Variants in UQCRB observed in about 807,000 individuals in gnomAD.
UQCRB encodes cytochrome b-c1 complex subunit 7.
UQCRB carries 12 observed loss-of-function variants against 19.8 expected under a neutral mutation model. That is an observed-to-expected ratio of 0.61 (90% CI 0.39 to 0.98). UQCRB has a LOEUF of 0.98. Ranked by LOEUF, UQCRB falls within the 50% of genes least tolerant of loss-of-function variation. UQCRB has a pLI of 0.00. For missense variants in UQCRB, 142 were observed against 131.8 expected (o/e 1.08, Z -0.38); for synonymous variants, 39 against 42.9 (o/e 0.91, Z 0.35).
intron 2 of UQCRB, chr8:96,232,508 T>C (rs1302256248): frequency 1.3e-5 from 2 of 154,166 alleles, no homozygotes; most frequent in African/African-American, 4.8e-5. Flanking sequence ...ATTCAAAAAC[T>C]CTCTACTTTC....
chr8:96,231,191 C>G, intron 3 of UQCRB, 59 bp from the exon 4 acceptor site: 6 of 1,613,810 alleles, frequency 3.7e-6, no homozygotes, highest in Non-Finnish European at 5.1e-6. Flanking sequence ...CCCAAACACT[C>G]AACAGGTCTT....
chr8:96,229,628 A>G lies in UQCRB; in HGVS notation c.*1427T>C. The G allele has an allele frequency of 2.2e-6, 1 of 454,156 alleles. No homozygotes were observed. The highest frequency in any genetic ancestry group is 4.4e-6 in the Non-Finnish European group (1 of 226,804). The allele number at this position is 454,156 out of a possible 1,614,324, so 28.1% of individuals were successfully genotyped here. ...GCCCATCTTCTTGGCCTCCTTCTGC[A>G]AAGTAGGACTACATTAAAACCTTGT... On this transcript the variant is annotated 3_prime_UTR_variant, in exon 4 of 4. Coordinates refer to ENST00000287022, the MANE Select transcript of UQCRB (RefSeq NM_006294.5).
Position 96,231,740 on chromosome 8 carries a change from G to A in UQCRB, c.258+34C>T, listed in dbSNP as rs536858169. On this transcript the variant is annotated intron_variant, in intron 3 of 3. Coordinates refer to ENST00000287022, the MANE Select transcript of UQCRB (RefSeq NM_006294.5). ...TTGTTTCTAAAACTCCATCCTTAAT[G>A]AGCAACACTGTCAGGTAGATAAAGC... The A allele has an allele frequency of 3.1e-6, 5 of 1,613,660 alleles. No homozygotes were observed. The African/African-American group carries it at 6.7e-5, about 22-fold the overall frequency.
In UQCRB at chr8:96,226,247, A is replaced by G. The variant is rs1168378034; in HGVS notation, c.*4808T>C. On this transcript the variant is annotated 3_prime_UTR_variant, in exon 4 of 4. Coordinates refer to ENST00000287022, the MANE Select transcript of UQCRB (RefSeq NM_006294.5). Reference sequence around the variant, plus strand: ...TTTCTTCTTCCATACAATGGGCATTATAATAGCCATGCCAGAAGGTTGCAG... The same window carrying G: ...TTTCTTCTTCCATACAATGGGCATTGTAATAGCCATGCCAGAAGGTTGCAG... 1 of 152,348 alleles carries G rather than the reference A, an allele frequency of 6.6e-6. No homozygotes were observed. The highest frequency in any genetic ancestry group is 1.5e-5 in the Non-Finnish European group (1 of 68,124). 9.4% of individuals were successfully genotyped at this position (152,348 alleles called of 1,614,324 possible).
In UQCRB at chr8:96,228,168, C is replaced by G. The variant is rs1254524874; in HGVS notation, c.*2887G>C. The G allele has an allele frequency of 4.4e-6, 2 of 454,092 alleles. No homozygotes were observed. The highest frequency in any genetic ancestry group is 3.1e-5 in the South Asian group (2 of 64,478). The allele number at this position is 454,092 out of a possible 1,614,324, so 28.1% of individuals were successfully genotyped here. ...TGCAAAGTATAGTAAAACAAACAAA[C>G]AGAACATAGACCACTTCAGAGTAAA... On this transcript the variant is annotated 3_prime_UTR_variant, in exon 4 of 4. Coordinates refer to ENST00000287022, the MANE Select transcript of UQCRB (RefSeq NM_006294.5).
In UQCRB at chr8:96,229,306, C is replaced by T. The variant is rs568695071; in HGVS notation, c.*1749G>A. Reference sequence around the variant, plus strand: ...CAGTCTTGGTCAGTTCTATTTGTTCCCCTGTCCTTCAGCAGTGCCCTTAGG... The same window carrying T: ...CAGTCTTGGTCAGTTCTATTTGTTCTCCTGTCCTTCAGCAGTGCCCTTAGG... On this transcript the variant is annotated 3_prime_UTR_variant, in exon 4 of 4. Transcript: ENST00000287022. 3.9e-4 allele frequency: 179 copies of T among 454,072 alleles called. No homozygotes were observed. The highest frequency in any genetic ancestry group is 7.4e-4 in the Non-Finnish European group (168 of 226,784). 28.1% of individuals were successfully genotyped at this position (454,072 alleles called of 1,614,324 possible).
intron 2 of UQCRB, chr8:96,232,894 G>C (rs932945437): frequency 2.2e-5 from 8 of 368,796 alleles, no homozygotes; most frequent in African/African-American, 8.6e-5. Context: ...AGGGGGTGTA[G>C]AAGGAAAATG....
rs1809625394 is a variant in UQCRB, at chr8:96,230,064, A to C, written c.*991T>G. The C allele has an allele frequency of 4.4e-6, 2 of 453,990 alleles. No homozygotes were observed. The highest frequency in any genetic ancestry group is 3.1e-5 in the South Asian group (2 of 64,484). The allele number at this position is 453,990 out of a possible 1,614,324, so 28.1% of individuals were successfully genotyped here. ...AGCATTTCAGAATTTAGGAGTGGAA[A>C]TGATGACAACATTGAATAATCCTAA... On this transcript the variant is annotated 3_prime_UTR_variant, in exon 4 of 4. Coordinates refer to ENST00000287022, the MANE Select transcript of UQCRB (RefSeq NM_006294.5).
chr8:96,230,680 C>G lies in UQCRB; in HGVS notation c.*375G>C. 2.1e-6 allele frequency: 1 copy of G among 468,324 alleles called. No homozygotes were observed. 29.0% of individuals were successfully genotyped at this position (468,324 alleles called of 1,614,324 possible). Reference sequence around the variant, plus strand: ...TTGCATACCAGTGAAGAGGCTATTTCTCAATCTTGGCAAACTAGGGGGTGC... The same window carrying G: ...TTGCATACCAGTGAAGAGGCTATTTGTCAATCTTGGCAAACTAGGGGGTGC... On this transcript the variant is annotated 3_prime_UTR_variant, in exon 4 of 4. Transcript: ENST00000287022.
chr8:96,233,304 TCA>T (rs1491208565), intron 1 of UQCRB, 77 bp from the exon 2 acceptor site: 23 of 1,337,714 alleles, frequency 1.7e-5, no homozygotes, highest in Admixed American at 1.0e-4. Context: ...CAACCAGTAC[TCA>T]GTTATCTTGC....
rs1325095442 is a variant in UQCRB, at chr8:96,224,969, C to T, written c.*6086G>A. On this transcript the variant is annotated 3_prime_UTR_variant, in exon 4 of 4. Transcript: ENST00000287022. ...CAAAGTTGAAAAGGCATCCAAAAAACCTCAAATAAAATTCAAACGATGAAA... is the reference window on the plus strand; with the variant it reads ...CAAAGTTGAAAAGGCATCCAAAAAATCTCAAATAAAATTCAAACGATGAAA... Among the ~76,000 whole-genome samples the T allele has an allele frequency of 2.0e-5, 3 of 152,012 alleles. No individual in the cohort carries two copies. Among genetic ancestry groups the T allele is most frequent in the Non-Finnish European group, 4.4e-5 (3 of 68,004 alleles).
chr8:96,232,256 A>G (rs1378038080), intron 2 of UQCRB: 1 of 300,920 alleles, frequency 3.3e-6, no homozygotes, highest in Non-Finnish European at 6.3e-6. Flanking sequence ...CATTTACAAA[A>G]TATTTTAAAT....
In UQCRB at chr8:96,230,202, AG is replaced by A; in HGVS notation, c.*852del. Reference sequence around the variant, plus strand: ...GCAATTCTCCTCCCTCAGCCTCCCGAGTAGCTGGGATTACAGGTGCCTACCA... The same window carrying A: ...GCAATTCTCCTCCCTCAGCCTCCCGATAGCTGGGATTACAGGTGCCTACCA... On this transcript the variant is annotated 3_prime_UTR_variant, in exon 4 of 4. Coordinates refer to ENST00000287022, the MANE Select transcript of UQCRB (RefSeq NM_006294.5). The A allele has an allele frequency of 2.2e-6, 1 of 450,314 alleles. No homozygotes were observed. The highest frequency in any genetic ancestry group is 4.5e-6 in the Non-Finnish European group (1 of 223,956). The allele number at this position is 450,314 out of a possible 1,614,324, so 27.9% of individuals were successfully genotyped here. A position where few individuals can be genotyped will look rare whatever the true frequency, so the allele number is the denominator to read the frequency against.
intron 3 of UQCRB, chr8:96,231,336 G>C (rs1190982459): frequency 1.3e-6 from 2 of 1,548,288 alleles, no homozygotes; most frequent in African/African-American, 1.4e-5. Flanking sequence ...GGTTATGAGG[G>C]GGAAGTCTTT....
chr8:96,234,778 A>AAAAC lies in UQCRB; in HGVS notation c.19+730_19+733dup, dbSNP rs569834910. On this transcript the variant is annotated intron_variant, in intron 1 of 3. Coordinates refer to ENST00000287022, the MANE Select transcript of UQCRB (RefSeq NM_006294.5). Reference sequence around the variant, plus strand: ...CAAAGCAAGACTCCGTCTCAAAGACAAAACAAACAAACAAACAAAACGGCT... The same window carrying AAAAC: ...CAAAGCAAGACTCCGTCTCAAAGACAAAACAAACAAACAAACAAACAAAACGGCT... The AAAAC allele has an allele frequency of 5.2e-5, 13 of 248,312 alleles. No individual in the cohort carries two copies. In the East Asian group the frequency reaches 9.0e-4, roughly 17 times the overall value. 15.4% of individuals were successfully genotyped at this position (248,312 alleles called of 1,614,324 possible).
In UQCRB at chr8:96,228,123, A is replaced by G. The variant is rs1316125408; in HGVS notation, c.*2932T>C. Reference sequence around the variant, plus strand: ...GGTAGTGCACTACAACAGTGAACATAAGCCAGCCATCTGTTTTTTTGCAAA... The same window carrying G: ...GGTAGTGCACTACAACAGTGAACATGAGCCAGCCATCTGTTTTTTTGCAAA... On this transcript the variant is annotated 3_prime_UTR_variant, in exon 4 of 4. Coordinates refer to ENST00000287022, the MANE Select transcript of UQCRB (RefSeq NM_006294.5). 4.4e-6 allele frequency: 2 copies of G among 454,044 alleles called. No individual in the cohort carries two copies. The highest frequency in any genetic ancestry group is 8.8e-6 in the Non-Finnish European group (2 of 226,802). The allele number at this position is 454,044 out of a possible 1,614,324, so 28.1% of individuals were successfully genotyped here.
chr8:96,229,195 G>A lies in UQCRB; in HGVS notation c.*1860C>T. The A allele has an allele frequency of 2.2e-6, 1 of 454,146 alleles. No individual in the cohort carries two copies. The highest frequency in any genetic ancestry group is 1.6e-5 in the South Asian group (1 of 64,476). The allele number at this position is 454,146 out of a possible 1,614,324, so 28.1% of individuals were successfully genotyped here. The stretch of plus-strand genomic sequence containing the variant: ...TAGGCATACACTTTGGCTTTAGGAA[G>A]AACTCTTACAAAATCAGAGGTTGCC... On this transcript the variant is annotated 3_prime_UTR_variant, in exon 4 of 4. Transcript: ENST00000287022.
At chr8:96,231,209 A>G (rs1443161090) in intron 3 of UQCRB, 77 bp from the exon 4 acceptor site, 3 of 1,613,452 alleles carry the variant, frequency 1.9e-6, no homozygotes. Flanking sequence ...CTTCAATAAC[A>G]AGAAAAAAGC....
At position 96,228,585 on chromosome 8, in the gene UQCRB, C is replaced by T; in HGVS notation, c.*2470G>A. ...CGTTTTCCCAAGTTATTCTTTCTCG[C>T]TTCTCAGCACATAATTTACATTATG... is the stretch of plus-strand genomic sequence containing the variant. On this transcript the variant is annotated 3_prime_UTR_variant, in exon 4 of 4. Coordinates refer to ENST00000287022, the MANE Select transcript of UQCRB (RefSeq NM_006294.5). 2.2e-6 allele frequency: 1 copy of T among 454,122 alleles called. No homozygotes were observed. The highest frequency in any genetic ancestry group is 4.4e-6 in the Non-Finnish European group (1 of 226,798). 28.1% of individuals were successfully genotyped at this position (454,122 alleles called of 1,614,324 possible). A position where few individuals can be genotyped will look rare whatever the true frequency, so the allele number is the denominator to read the frequency against.
Sources: allele counts gnomAD v4.1 joint callset (sites outside exome capture counted in the v4.1 genomes callset), GRCh38; gene constraint gnomAD v4.1.1; transcripts MANE v1.5; gene names NCBI Gene and HGNC (gene_info 2026-07-23, HGNC 2026-07-21).